The following MYO7B variants were observed in gnomAD, a reference collection of about 807,000 sequenced individuals.
The protein encoded by MYO7B is unconventional myosin-VIIb.
A neutral mutation model predicts 259.7 loss-of-function variants in MYO7B; 212 were observed. That is an observed-to-expected ratio of 0.82 (90% confidence interval 0.73 to 0.91). The LOEUF (loss-of-function observed/expected upper bound fraction) is 0.91, where lower values mean the gene tolerates loss of function less well. Among genes scored for constraint, MYO7B ranks in the 40% least tolerant of loss-of-function variants. MYO7B has a pLI of 0.00. For synonymous variants in MYO7B, 1,197 were observed against 1,166.4 expected (o/e 1.03, Z -0.54); for missense variants, 2,732 against 2,813.5 (o/e 0.97, Z 0.66).
intron 43 of MYO7B, chr2:127,635,438 T>G (rs952524125): frequency 3.2e-6 from 2 of 629,112 alleles, no homozygotes; most frequent in African/African-American, 1.8e-5. Context: ...ACCTGCAGCA[T>G]GACTTGGAGA....
chr2:127,608,231 C>T (rs1370480284), intron 21 of MYO7B, among the ~76,000 whole-genome samples: 2 of 152,214 alleles, frequency 1.3e-5, no homozygotes, highest in Non-Finnish European at 2.9e-5. Context: ...TGAGAGAATG[C>T]ACCCATAGAC....
At position 127,607,399 on chromosome 2, in the gene MYO7B, G is replaced by T. The variant is rs548467824; in HGVS notation, c.2618G>T (p.Arg873Leu). The change falls in exon 21 of 48, where the codon CGC becomes CTC. Residue 873 changes from arginine to leucine, a missense_variant. Physicochemically the swap from Arg to Leu is moderately radical, Grantham distance 102. Coordinates refer to ENST00000409816, the MANE Select transcript of MYO7B (RefSeq NM_001393586.1). The surrounding 1 kb of genome is among the most constrained non-coding windows in gnomAD (Gnocchi z 4.4). Reference protein sequence around the residue: ...QAHARGMAARRNFQQRKANAP... With the variant: ...QAHARGMAARLNFQQRKANAP... ...CATGCCAGGGGCATGGCTGCCCGGCGCAACTTCCAGCAAAGGAAGGCCAAT... is the reference window on the plus strand; with the variant it reads ...CATGCCAGGGGCATGGCTGCCCGGCTCAACTTCCAGCAAAGGAAGGCCAAT... 3.2e-6 allele frequency: 5 copies of T among 1,551,008 alleles called. No homozygotes were observed. Among genetic ancestry groups the T allele is most frequent in the African/African-American group, 1.4e-5 (1 of 73,048 alleles).
chr2:127,554,096 C>T lies in MYO7B; in HGVS notation c.-23-5604C>T, dbSNP rs191547722. Among the ~76,000 whole-genome samples the T allele has an allele frequency of 8.2e-4, 124 of 152,032 alleles. 1 individual carries two copies. Among genetic ancestry groups the T allele is most frequent in the African/African-American group, 2.8e-3 (114 of 41,452 alleles). ...TTTTATTTATTTATTTATTTTGAGA[C>T]GGAGTTTCATTCTTGTTGCCCAGGC... On this transcript the variant is annotated intron_variant, in intron 1 of 47. Transcript: ENST00000409816.
At chr2:127,600,437 A>G (rs1201210179) in intron 19 of MYO7B, among the ~76,000 whole-genome samples, 1 of 152,124 alleles carries the variant, frequency 6.6e-6, no homozygotes, top group Non-Finnish European at 1.5e-5. Flanking sequence ...CTGGCCGGGC[A>G]TGGTGGCTCA....
intron 10 of MYO7B, 103 bp downstream of exon 10, chr2:127,580,925 A>C: frequency 8.5e-7 from 1 of 1,173,120 alleles, no homozygotes; most frequent in Non-Finnish European, 1.2e-6. Context: ...CCAGGCCCCC[A>C]CCCCTTTCCC....
chr2:127,618,578 C>T (rs1261005710), intron 26 of MYO7B, among the ~76,000 whole-genome samples: 2 of 152,228 alleles, frequency 1.3e-5, no homozygotes, highest in South Asian at 2.1e-4. Flanking sequence ...AGTTTGCCAA[C>T]ATTCTGCTTT....
At chr2:127,630,017 T>C (rs1417129845) in intron 35 of MYO7B, among the ~76,000 whole-genome samples, 191 bp downstream of exon 35, 1 of 152,174 alleles carries the variant, frequency 6.6e-6, no homozygotes. Flanking sequence ...TCTTGGTACT[T>C]AGTAGGTCCT....
intron 1 of MYO7B, among the ~76,000 whole-genome samples, chr2:127,549,144 C>T (rs1468293412): frequency 1.4e-5 from 1 of 73,276 alleles, no homozygotes; most frequent in African/African-American, 4.4e-5. Flanking sequence ...TTTCTTTCTT[C>T]TTTCTTCCTT....
intron 43 of MYO7B, 176 bp from the exon 44 acceptor site, chr2:127,635,546 A>AG: frequency 1.4e-6 from 1 of 731,592 alleles, no homozygotes; most frequent in East Asian, 2.7e-5. Context: ...CGCAGATGTC[A>AG]GGGGGCCCTG....
At chr2:127,568,688 G>C (rs1412935375) in intron 5 of MYO7B, among the ~76,000 whole-genome samples, 1 of 152,164 alleles carries the variant, frequency 6.6e-6, no homozygotes, top group African/African-American at 2.4e-5. Flanking sequence ...CCTGAGGTCA[G>C]GAGTTCAAGA....
Position 127,612,579 on chromosome 2 carries a change from A to T in MYO7B, c.3374A>T (p.Tyr1125Phe). 6.2e-7 allele frequency: 1 copy of T among 1,608,946 alleles called. No homozygotes were observed. Among genetic ancestry groups the T allele is most frequent in the Non-Finnish European group, 8.5e-7 (1 of 1,178,042 alleles). The part of the protein sequence containing the change: ...NLEKVHFIVG[Y>F]AILRPSLRDE... ...GAGAAGGTGCACTTCATCGTGGGCT[A>T]CGCCATCCTGCGGCCCAGCCTCAGG... The change falls in exon 26 of 48, where the codon TAC (tyrosine) becomes TTC (phenylalanine). Residue 1125 changes from tyrosine to phenylalanine, a missense_variant. By Grantham distance (22) the Tyr-to-Phe change is conservative (BLOSUM62 3). This residue lies in a region of MYO7B where 1,906 missense variants were observed against 2,026.4 expected (regional missense o/e 0.94). Coordinates refer to ENST00000409816, the MANE Select transcript of MYO7B (RefSeq NM_001393586.1).
intron 9 of MYO7B, among the ~76,000 whole-genome samples, chr2:127,579,331 G>A (rs1258440415): frequency 1.3e-5 from 2 of 152,194 alleles, no homozygotes; most frequent in African/African-American, 4.8e-5. Context: ...CTGTTCTAGA[G>A]CAATGGGGTG....
At chr2:127,565,128 A>T in intron 3 of MYO7B, 105 bp from the exon 4 acceptor site, 1 of 1,421,050 alleles carries the variant, frequency 7.0e-7, no homozygotes, top group Non-Finnish European at 9.5e-7. Flanking sequence ...CTGATCCATG[A>T]CCCGGAAGGT....
At chr2:127,558,884 CT>C (rs2104842765) in intron 1 of MYO7B, among the ~76,000 whole-genome samples, 1 of 152,152 alleles carries the variant, frequency 6.6e-6, no homozygotes, top group South Asian at 2.1e-4. Flanking sequence ...ACTTTGGGGA[CT>C]CGGGGAAAGG....
chr2:127,560,783 C>T (rs115044707), intron 2 of MYO7B, among the ~76,000 whole-genome samples: 4 of 152,136 alleles, frequency 2.6e-5, no homozygotes, highest in Non-Finnish European at 5.9e-5. Flanking sequence ...GAAAATGCCC[C>T]GAATGTTCTC....
In MYO7B at chr2:127,628,810, G is replaced by A. The variant is rs1339874425; in HGVS notation, c.4624+275G>A. On this transcript the variant is annotated intron_variant, in intron 34 of 47. Coordinates refer to ENST00000409816, the MANE Select transcript of MYO7B (RefSeq NM_001393586.1). This position sits in a 1 kb window ranked among gnomAD's most constrained non-coding sequence, Gnocchi z 4.8. ...CGCTGCACTGCTGCAGAAGCACTGA[G>A]AAAGGCCAGCCCCCAGCCCAGGGAA... Among the ~76,000 whole-genome samples, 1 of 152,220 alleles carries A rather than the reference G, an allele frequency of 6.6e-6. No homozygotes were observed. The highest frequency in any genetic ancestry group is 2.4e-5 in the African/African-American group (1 of 41,464).
intron 26 of MYO7B, among the ~76,000 whole-genome samples, chr2:127,618,646 C>T (rs1488553700): frequency 1.3e-5 from 2 of 152,174 alleles, no homozygotes; most frequent in Non-Finnish European, 2.9e-5. Context: ...GAGCTGATCA[C>T]GACCCTCACT....
intron 42 of MYO7B, 41 bp from the exon 43 acceptor site, chr2:127,635,079 T>C (rs764427777): frequency 1.3e-6 from 2 of 1,544,944 alleles, no homozygotes; most frequent in East Asian, 2.3e-5. Flanking sequence ...CTGGTGTACC[T>C]GCTGGGACAG....
intron 21 of MYO7B, 120 bp from the exon 22 acceptor site, chr2:127,608,588 A>G: frequency 1.8e-6 from 2 of 1,109,818 alleles, no homozygotes; most frequent in Non-Finnish European, 2.5e-6. Context: ...GATTTGGACA[A>G]ATGATGGCAG....
Sources: gnomAD v4.1 joint callset for allele counts (sites outside exome capture counted in the v4.1 genomes callset) on GRCh38, gnomAD v4.1.1 for gene constraint, gnomAD v4.1.1 regional missense constraint, Gnocchi (gnomAD v3.1) non-coding constraint, MANE v1.5 for transcripts, NCBI Gene and HGNC (gene_info 2026-07-23, HGNC 2026-07-21) for gene names.